Variants in DERA observed in about 807,000 individuals in gnomAD.
DERA encodes 2-deoxy-D-ribose 5-phosphate aldolase.
DERA carries 15 observed loss-of-function variants against 41.1 expected under a neutral mutation model. The ratio of observed to expected loss-of-function variants is 0.37; its 90% CI spans 0.24 to 0.56. The LOEUF is 0.56. DERA is among the 20% of genes least tolerant of loss of function. The pLI is 0.81. For synonymous variants in DERA, 139 were observed against 137.4 expected (o/e 1.01, Z -0.08); for missense variants, 396 against 403.4 (o/e 0.98, Z 0.16).
rs1039742162 is a variant in DERA at position 15,970,279 on chromosome 12, TAAC to T, written c.508+7335_508+7337del. Among the ~76,000 whole-genome samples the T allele has an allele frequency of 7.2e-5, 11 of 152,354 alleles. No homozygotes were observed. Among genetic ancestry groups the T allele is most frequent in the African/African-American group, 2.6e-4 (11 of 41,592 alleles). Reference sequence around the variant, plus strand: ...AAAATAATTGCTTAGATATGTTCGTTAACAATTATTTTTAAGTGCCTTTGAATA... The same window carrying T: ...AAAATAATTGCTTAGATATGTTCGTTAATTATTTTTAAGTGCCTTTGAATA... On this transcript the variant is annotated intron_variant, in intron 5 of 8. Transcript: ENST00000428559. This position sits in a 1 kb window ranked among gnomAD's most constrained non-coding sequence, Gnocchi z 4.3.
Position 15,967,077 on chromosome 12 carries a change from C to T in DERA, c.508+4130C>T, listed in dbSNP as rs1222781700. On this transcript the variant is annotated intron_variant, in intron 5 of 8. Transcript: ENST00000428559. The surrounding 1 kb of genome is among the most constrained non-coding windows in gnomAD (Gnocchi z 4.9). ...GGAAATAAATCTATTAGGCCGGGCA[C>T]AGTGGCTTATGCCTGTAATCCCAGC... Among the ~76,000 whole-genome samples the T allele has an allele frequency of 1.3e-5, 2 of 151,986 alleles. No homozygotes were observed. Among genetic ancestry groups the T allele is most frequent in the African/African-American group, 4.8e-5 (2 of 41,364 alleles).
intron 6 of DERA, 80 bp from the exon 7 acceptor site, chr12:16,032,462 C>G (rs1460634745): frequency 1.2e-6 from 1 of 803,562 alleles, no homozygotes; most frequent in African/African-American, 1.8e-5. Flanking sequence ...AAAATTTACA[C>G]AACTCATTTC....
At position 15,937,462 on chromosome 12, in the gene DERA, G is replaced by C. The variant is rs2417510; in HGVS notation, c.32-19474G>C. On this transcript the variant is annotated intron_variant, in intron 1 of 8. Transcript: ENST00000428559. ...TATAGCCACATCCGCCAGTAGTATA[G>C]TTCCAGTTTCCCGCTTTGACCTGCA... Among the ~76,000 whole-genome samples the C allele has an allele frequency of 8.0e-3, 1,224 of 152,294 alleles. 55 individuals are homozygous for C. Among genetic ancestry groups the C allele is most frequent in the Admixed American group, 0.066 (1,002 of 15,294 alleles).
In DERA at chr12:16,029,913, C is replaced by CTTTTTTTTTTTT. The variant is rs71438364; in HGVS notation, c.638-2613_638-2602dup. Among the ~76,000 whole-genome samples, 18 of 59,718 alleles carry CTTTTTTTTTTTT rather than the reference C, an allele frequency of 3.0e-4. 4 individuals carry two copies. The highest frequency in any genetic ancestry group is 8.5e-4 in the Admixed American group (3 of 3,532). 39.2% of individuals were successfully genotyped at this position (59,718 alleles called of 152,430 possible). ...TCAGACCTCCAAATGTAGCCTTGGT[C>CTTTTTTTTTTTT]TTTTTTTTTTTTTTTTTTTTTTTTT... On this transcript the variant is annotated intron_variant, in intron 6 of 8. Transcript: ENST00000428559.
rs1274788709 is a variant in DERA at position 15,985,580 on chromosome 12, A to T, written c.637+3144A>T. ...TTTATTTTGTTGTTTTTTTTTCATT[A>T]CTTTTCAGTGAAAGTTATTTTCTAA... On this transcript the variant is annotated intron_variant, in intron 6 of 8. Transcript: ENST00000428559. The surrounding 1 kb of genome is among the most constrained non-coding windows in gnomAD (Gnocchi z 4.2). Among the ~76,000 whole-genome samples the T allele has an allele frequency of 1.2e-4, 11 of 93,570 alleles. No homozygotes were observed. The highest frequency in any genetic ancestry group is 3.6e-4 in the African/African-American group (11 of 30,728). The allele number at this position is 93,570 out of a possible 152,430, so 61.4% of individuals were successfully genotyped here. A position where few individuals can be genotyped will look rare whatever the true frequency, so the allele number is the denominator to read the frequency against.
rs1315399359 is a variant in DERA, at chr12:15,921,690, G to T, written c.31+10276G>T. On this transcript the variant is annotated intron_variant, in intron 1 of 8. Transcript: ENST00000428559. This position sits in a 1 kb window ranked among gnomAD's most constrained non-coding sequence, Gnocchi z 5.3. ...TAATCCCAGCATTTTGGGAATCTGA[G>T]GTGGGCAGATCATCTGAGTTCAGGC... 6.6e-6 allele frequency among the ~76,000 whole-genome samples: 1 copy of T among 152,084 alleles called. No individual in the cohort carries two copies. The highest frequency in any genetic ancestry group is 1.5e-5 in the Non-Finnish European group (1 of 68,014).
In DERA at chr12:15,928,922, T is replaced by A. The variant is rs1948307176; in HGVS notation, c.31+17508T>A. Among the ~76,000 whole-genome samples, 1 of 152,234 alleles carries A rather than the reference T, an allele frequency of 6.6e-6. No homozygotes were observed. The highest frequency in any genetic ancestry group is 6.5e-5 in the Admixed American group (1 of 15,292). ...TTTTGTACACTTGACCTTACTTTTCTCAGCCTTCTAGATCTGTAGCTGTTA... is the reference window on the plus strand; with the variant it reads ...TTTTGTACACTTGACCTTACTTTTCACAGCCTTCTAGATCTGTAGCTGTTA... On this transcript the variant is annotated intron_variant, in intron 1 of 8. Transcript: ENST00000428559. This position sits in a 1 kb window ranked among gnomAD's most constrained non-coding sequence, Gnocchi z 4.6.
rs556954375 is a variant in DERA, at chr12:15,982,739, A to G, written c.637+303A>G. Among the ~76,000 whole-genome samples, 5 of 152,242 alleles carry G rather than the reference A, an allele frequency of 3.3e-5. No individual in the cohort carries two copies. In the East Asian group the frequency reaches 7.7e-4, roughly 24 times the overall value. On this transcript the variant is annotated intron_variant, in intron 6 of 8. Coordinates refer to ENST00000428559, the MANE Select transcript of DERA (RefSeq NM_015954.4). This position sits in a 1 kb window ranked among gnomAD's most constrained non-coding sequence, Gnocchi z 4.0. ...ATTCTTTGATTATTCACTCATCAAC[A>G]TATGTTAGACAGGAATTTCTTTGAC...
chr12:15,986,809 A>G (rs1189429487), intron 6 of DERA, among the ~76,000 whole-genome samples: 9 of 152,176 alleles, frequency 5.9e-5, no homozygotes, highest in African/African-American at 2.2e-4. Flanking sequence ...ATGAGTTTCC[A>G]TCTTGTATAA....
intron 1 of DERA, among the ~76,000 whole-genome samples, chr12:15,949,539 C>G (rs969605870): frequency 3.9e-5 from 6 of 152,186 alleles, no homozygotes; most frequent in African/African-American, 9.6e-5. Context: ...TTTGCTAAGA[C>G]GATTCGAAAA....
Position 15,921,801 on chromosome 12 carries a change from C to T in DERA, c.31+10387C>T, listed in dbSNP as rs992133251. ...ATTAACCGGGCTTGGTGGCGAGCGC[C>T]TGTAATCCCAGCTACTCGGGAGACT... On this transcript the variant is annotated intron_variant, in intron 1 of 8. Transcript: ENST00000428559. This position sits in a 1 kb window ranked among gnomAD's most constrained non-coding sequence, Gnocchi z 5.3. 1.3e-5 allele frequency among the ~76,000 whole-genome samples: 2 copies of T among 152,002 alleles called. No individual in the cohort carries two copies. The highest frequency in any genetic ancestry group is 1.3e-4 in the Admixed American group (2 of 15,262).
chr12:15,964,083 C>T (rs2136150865), intron 5 of DERA, among the ~76,000 whole-genome samples: 1 of 152,262 alleles, frequency 6.6e-6, no homozygotes, highest in South Asian at 2.1e-4. Flanking sequence ...CGTTTATATT[C>T]CAGTTCCAAA....
At chr12:16,031,242 G>A (rs1003923871) in intron 6 of DERA, among the ~76,000 whole-genome samples, 3 of 152,286 alleles carry the variant, frequency 2.0e-5, no homozygotes, top group South Asian at 2.1e-4. Context: ...ATCTCCACCC[G>A]TGTCTACATT....
At position 15,983,749 on chromosome 12, in the gene DERA, A is replaced by C. The variant is rs1015978724; in HGVS notation, c.637+1313A>C. On this transcript the variant is annotated intron_variant, in intron 6 of 8. Coordinates refer to ENST00000428559, the MANE Select transcript of DERA (RefSeq NM_015954.4). This position sits in a 1 kb window ranked among gnomAD's most constrained non-coding sequence, Gnocchi z 6.2. ...ACTTCTTGAGTGCTCTGTCAGGCCT[A>C]GTAGATCATTCCTTGGAACTCTACT... Among the ~76,000 whole-genome samples, 1 of 152,230 alleles carries C rather than the reference A, an allele frequency of 6.6e-6. No homozygotes were observed. Among genetic ancestry groups the C allele is most frequent in the Non-Finnish European group, 1.5e-5 (1 of 68,038 alleles).
intron 5 of DERA, among the ~76,000 whole-genome samples, chr12:15,975,269 C>T (rs969147615): frequency 3.0e-5 from 4 of 135,326 alleles, no homozygotes. Flanking sequence ...GAGTGGTTGG[C>T]TAGGAGATGG....
chr12:16,004,876 A>G lies in DERA; in HGVS notation c.637+22440A>G, dbSNP rs942850951. On this transcript the variant is annotated intron_variant, in intron 6 of 8. Transcript: ENST00000428559. This position sits in a 1 kb window ranked among gnomAD's most constrained non-coding sequence, Gnocchi z 4.2. ...CTGCATATGTGTGTTTCCTAGTTCA[A>G]GGAGTTAGAAAACTTTTGATAATTT... 1.3e-5 allele frequency among the ~76,000 whole-genome samples: 2 copies of G among 152,204 alleles called. No homozygotes were observed. Among genetic ancestry groups the G allele is most frequent in the African/African-American group, 2.4e-5 (1 of 41,458 alleles).
rs1461504709 is a variant in DERA, at chr12:15,931,001, G to GT, written c.31+19590dup. On this transcript the variant is annotated intron_variant, in intron 1 of 8. Coordinates refer to ENST00000428559, the MANE Select transcript of DERA (RefSeq NM_015954.4). This position sits in a 1 kb window ranked among gnomAD's most constrained non-coding sequence, Gnocchi z 4.6. ...GTATAATCTTCAAGTTCCATTAATT[G>GT]TTTCTTCTTTTTTTGAGAGCTTAAT... is the stretch of plus-strand genomic sequence containing the variant. 6.6e-6 allele frequency among the ~76,000 whole-genome samples: 1 copy of GT among 151,994 alleles called. No homozygotes were observed. The highest frequency in any genetic ancestry group is 1.5e-5 in the Non-Finnish European group (1 of 67,972).
At chr12:15,956,340 T>C (rs947121533) in intron 1 of DERA, among the ~76,000 whole-genome samples, 4 of 152,268 alleles carry the variant, frequency 2.6e-5, no homozygotes, top group Non-Finnish European at 5.9e-5. Context: ...CCTGAAACTT[T>C]AAATAATTTG....
Position 15,924,986 on chromosome 12 carries a change from A to C in DERA, c.31+13572A>C, listed in dbSNP as rs908639208. ...TTTCATAATGTGAAGACTTGTTTTC[A>C]TCAGTGTTTGTTGAATGAATAAGGA... On this transcript the variant is annotated intron_variant, in intron 1 of 8. Transcript: ENST00000428559. This position sits in a 1 kb window ranked among gnomAD's most constrained non-coding sequence, Gnocchi z 5.0. Among the ~76,000 whole-genome samples, 6 of 152,202 alleles carry C rather than the reference A, an allele frequency of 3.9e-5. No individual in the cohort carries two copies. The highest frequency in any genetic ancestry group is 1.4e-4 in the African/African-American group (6 of 41,448).
Sources: gnomAD v4.1 joint callset for allele counts (sites outside exome capture counted in the v4.1 genomes callset) on GRCh38, gnomAD v4.1.1 for gene constraint, Gnocchi (gnomAD v3.1) non-coding constraint, MANE v1.5 for transcripts, NCBI Gene and HGNC (gene_info 2026-07-23, HGNC 2026-07-21) for gene names.